The following WASHC5 variants were observed in gnomAD, a reference collection of about 807,000 sequenced individuals.
The protein encoded by WASHC5 is WASH complex subunit strumpellin.
In WASHC5, 101 loss-of-function variants were observed where a neutral mutation model predicts 150.4. The ratio of observed to expected loss-of-function variants is 0.67; its 90% CI spans 0.57 to 0.79. The LOEUF (loss-of-function observed/expected upper bound fraction) is 0.79. Ranked by LOEUF, WASHC5 falls within the 30% of genes least tolerant of loss-of-function variation. WASHC5 has a pLI of 0.00. For missense variants in WASHC5, 1,195 were observed against 1,396.3 expected, an observed-to-expected ratio of 0.86 and a Z score of 2.30; for synonymous variants, 467 against 491.2, an observed-to-expected ratio of 0.95 and a Z score of 0.65.
intron 13 of WASHC5, 37 bp from the exon 14 acceptor site, chr8:125,059,334 A>G (rs1816513476): frequency 2.5e-6 from 4 of 1,613,310 alleles, no homozygotes; most frequent in Non-Finnish European, 3.4e-6. Context: ...AGATGTTCCT[A>G]GGGCCTTTCA....
intron 28 of WASHC5, among the ~76,000 whole-genome samples, chr8:125,025,559 G>C (rs1815354962): frequency 6.6e-6 from 1 of 151,992 alleles, no homozygotes; most frequent in Middle Eastern, 3.4e-3. Flanking sequence ...GTGGTGGTAC[G>C]CATCTGTAAT....
chr8:125,058,629 T>C (rs1586361668), intron 14 of WASHC5, among the ~76,000 whole-genome samples: 2 of 152,236 alleles, frequency 1.3e-5, no homozygotes, highest in South Asian at 2.1e-4. Context: ...ACACCTGTAA[T>C]TTCAACTACT....
intron 26 of WASHC5, among the ~76,000 whole-genome samples, chr8:125,033,794 C>T (rs1382310644): frequency 6.6e-6 from 1 of 152,128 alleles, no homozygotes. Flanking sequence ...GTGATCCTCT[C>T]GTCTCAGCCT....
intron 1 of WASHC5, among the ~76,000 whole-genome samples, chr8:125,088,899 G>C (rs1426794304): frequency 6.6e-6 from 1 of 152,172 alleles, no homozygotes. Context: ...CCCCAGGGCA[G>C]GAATGTGCTA....
intron 1 of WASHC5, among the ~76,000 whole-genome samples, chr8:125,086,154 G>A (rs542139721): frequency 6.6e-6 from 1 of 152,198 alleles, no homozygotes; most frequent in East Asian, 1.9e-4. Flanking sequence ...ACCACAGAGA[G>A]GGTGACTTAA....
intron 6 of WASHC5, 90 bp downstream of exon 6, chr8:125,078,648 G>A: frequency 9.3e-7 from 1 of 1,077,232 alleles, no homozygotes; most frequent in Admixed American, 1.8e-5. Flanking sequence ...TACTCTTTTG[G>A]GAAAGAAGGA....
intron 1 of WASHC5, 123 bp from the exon 2 acceptor site, chr8:125,084,145 T>C (rs1210901132): frequency 1.0e-5 from 5 of 481,248 alleles, no homozygotes; most frequent in Non-Finnish European, 1.9e-5. Flanking sequence ...AGTTCCTTTA[T>C]AGGGGAAAGG....
chr8:125,083,969 A>G lies in WASHC5; in HGVS notation c.-71T>C. 2 of 1,398,410 alleles carry G rather than the reference A, an allele frequency of 1.4e-6. No individual in the cohort carries two copies. Among genetic ancestry groups the G allele is most frequent in the Non-Finnish European group, 2.0e-6 (2 of 999,652 alleles). 86.6% of individuals were successfully genotyped at this position (1,398,410 alleles called of 1,614,324 possible). A position where few individuals can be genotyped will look rare whatever the true frequency, so the allele number is the denominator to read the frequency against. ...AACTGGCCTCAGAGCTGGTGTCTGT[A>G]TATTATTAGATGAAACCAGGTGTGC... On this transcript the variant is annotated 5_prime_UTR_variant, in exon 2 of 29. Transcript: ENST00000318410.
rs377540152 is a variant in WASHC5 at position 125,075,063 on chromosome 8, C to T, written c.913G>A (p.Glu305Lys). The T allele has an allele frequency of 5.6e-6, 9 of 1,612,506 alleles. No individual in the cohort carries two copies. The African/African-American group carries it at 9.4e-5, about 17-fold the overall frequency. The change falls in exon 8 of 29, where the codon GAA becomes AAA. Residue 305 changes from glutamate (E) to lysine (K), a missense_variant. Around this residue, in one of 3 missense-constraint regions of WASHC5, gnomAD observed 997 missense variants for 1,168.1 expected, o/e 0.85. Transcript: ENST00000318410. ...GITVNLVDAW[E>K]PYKAAKTALN... Reference sequence around the variant, plus strand: ...GCAGTTTTTGCAGCTTTGTAAGGTTCCCAAGCATCTACTAGATTAACTGTG... The same window carrying T: ...GCAGTTTTTGCAGCTTTGTAAGGTTTCCAAGCATCTACTAGATTAACTGTG...
chr8:125,035,610 A>G (rs1042211013), intron 26 of WASHC5, among the ~76,000 whole-genome samples: 4 of 152,236 alleles, frequency 2.6e-5, no homozygotes, highest in Admixed American at 1.3e-4. Context: ...CACATAGGTG[A>G]TAAGTGGTGA....
intron 10 of WASHC5, among the ~76,000 whole-genome samples, chr8:125,066,937 A>G (rs2130133739): frequency 6.6e-6 from 1 of 152,328 alleles, no homozygotes; most frequent in East Asian, 1.9e-4. Flanking sequence ...GCAACAGGAT[A>G]CTTTATTCTA....
At chr8:125,072,353 G>T (rs78510710) in intron 9 of WASHC5, among the ~76,000 whole-genome samples, 7 of 38,340 alleles carry the variant, frequency 1.8e-4, no homozygotes, top group East Asian at 1.1e-3. Flanking sequence ...AAAAAAAAGT[G>T]GGGGGGGGGG....
intron 14 of WASHC5, among the ~76,000 whole-genome samples, chr8:125,057,944 G>A (rs1816462821): frequency 6.6e-6 from 1 of 152,026 alleles, no homozygotes; most frequent in South Asian, 2.1e-4. Flanking sequence ...CAGACACCCT[G>A]GGGGTGCGGC....
intron 5 of WASHC5, among the ~76,000 whole-genome samples, chr8:125,080,057 G>A (rs1430141437): frequency 6.6e-6 from 1 of 152,070 alleles, no homozygotes; most frequent in African/African-American, 2.4e-5. Flanking sequence ...GATTTTTCCG[G>A]GTGGAATAGT....
intron 17 of WASHC5, among the ~76,000 whole-genome samples, chr8:125,053,943 C>T (rs754780313): frequency 4.9e-4 from 74 of 152,302 alleles, no homozygotes; most frequent in South Asian, 8.3e-4. Context: ...TCTGATATTT[C>T]CAACTTGTGA....
Position 125,044,171 on chromosome 8 carries a change from T to C in WASHC5, c.2668-77A>G, listed in dbSNP as rs1052939891. 2.1e-5 allele frequency: 21 copies of C among 978,208 alleles called. No homozygotes were observed. The African/African-American group carries it at 2.9e-4, about 13-fold the overall frequency. The allele number at this position is 978,208 out of a possible 1,614,324, so 60.6% of individuals were successfully genotyped here. A position where few individuals can be genotyped will look rare whatever the true frequency, so the allele number is the denominator to read the frequency against. On this transcript the variant is annotated intron_variant, in intron 21 of 28. Coordinates refer to ENST00000318410, the MANE Select transcript of WASHC5 (RefSeq NM_014846.4). ...CAAATTCTCCAGTTACCTAAAATGC[T>C]ATGCAGAACAGAGGCTGGGCCTAAG...
intron 18 of WASHC5, among the ~76,000 whole-genome samples, chr8:125,049,443 A>T (rs904896497): frequency 6.6e-6 from 1 of 151,936 alleles, no homozygotes; most frequent in Non-Finnish European, 1.5e-5. Context: ...CTGTAATCCC[A>T]GCTACTTGGG....
chr8:125,081,635 G>T, intron 5 of WASHC5, 26 bp downstream of exon 5: 1 of 1,333,958 alleles, frequency 7.5e-7, no homozygotes. Context: ...CAGCGTTTCG[G>T]AAGTGTAGTC....
At chr8:125,056,926 T>A in intron 15 of WASHC5, 109 bp from the exon 16 acceptor site, 1 of 1,300,184 alleles carries the variant, frequency 7.7e-7, no homozygotes. Flanking sequence ...CTGAAAAATG[T>A]AAAAGAGCTG....
Sources: gnomAD v4.1 joint callset for allele counts (sites outside exome capture counted in the v4.1 genomes callset) on GRCh38, gnomAD v4.1.1 for gene constraint, gnomAD v4.1.1 regional missense constraint, MANE v1.5 for transcripts, NCBI Gene and HGNC (gene_info 2026-07-23, HGNC 2026-07-21) for gene names.